Variants in STPG2 observed in about 807,000 individuals in gnomAD.
The protein encoded by STPG2 is sperm-tail PG-rich repeat-containing protein 2.
Under a neutral mutation model 54.2 loss-of-function variants are expected in STPG2, and 56 were observed. The ratio of observed to expected loss-of-function variants is 1.03; its 90% CI spans 0.83 to 1.29. STPG2 has a LOEUF of 1.29. Among genes scored for constraint, STPG2 ranks in the 50% most tolerant of loss-of-function variants. The pLI is 0.00. For missense variants in STPG2, 596 were observed against 544.9 expected (o/e 1.09, Z -0.93); for synonymous variants, 200 against 181.8 (o/e 1.10, Z -0.81).
chr4:97,490,940 G>A (rs1211847369), intron 4 of STPG2, among the ~76,000 whole-genome samples: 1 of 151,536 alleles, frequency 6.6e-6, no homozygotes, highest in Non-Finnish European at 1.5e-5. Flanking sequence ...AAGGAATTTA[G>A]TTAATATGAC....
intron 5 of STPG2, among the ~76,000 whole-genome samples, chr4:98,071,743 A>G (rs1016287339): frequency 6.6e-6 from 1 of 152,224 alleles, no homozygotes; most frequent in African/African-American, 2.4e-5. Flanking sequence ...AAAAGTGGGC[A>G]AAGGACCTAA....
At chr4:97,957,083 G>A (rs899008217) in intron 7 of STPG2, among the ~76,000 whole-genome samples, 2 of 136,212 alleles carry the variant, frequency 1.5e-5, no homozygotes, top group Non-Finnish European at 3.2e-5. Context: ...ATATATATAT[G>A]TGAAATATAC....
intron 4 of STPG2, among the ~76,000 whole-genome samples, chr4:97,537,097 G>C (rs1024742220): frequency 6.6e-6 from 1 of 152,160 alleles, no homozygotes; most frequent in African/African-American, 2.4e-5. Flanking sequence ...AATAGCTCCA[G>C]TCTACAGCTC....
At chr4:98,057,640 T>A (rs993965453) in intron 5 of STPG2, among the ~76,000 whole-genome samples, 1 of 152,102 alleles carries the variant, frequency 6.6e-6, no homozygotes, top group Non-Finnish European at 1.5e-5. Context: ...ACATAGGACA[T>A]CATCCATGAA....
intron 5 of STPG2, among the ~76,000 whole-genome samples, chr4:98,078,750 A>G (rs1738250343): frequency 1.3e-5 from 2 of 152,198 alleles, no homozygotes; most frequent in Admixed American, 1.3e-4. Context: ...AAAAGATATA[A>G]TTCAATGCTA....
chr4:97,750,990 C>T (rs1213244006), intron 9 of STPG2, among the ~76,000 whole-genome samples: 1 of 151,832 alleles, frequency 6.6e-6, no homozygotes, highest in Non-Finnish European at 1.5e-5. Context: ...AAACTGAATT[C>T]TCACAGAAAG....
intron 5 of STPG2, among the ~76,000 whole-genome samples, chr4:97,982,327 C>G (rs77388941): frequency 6.6e-6 from 1 of 151,626 alleles, no homozygotes; most frequent in Non-Finnish European, 1.5e-5. Flanking sequence ...TTTGCCAACT[C>G]TATCTCTGTT....
intron 9 of STPG2, among the ~76,000 whole-genome samples, chr4:97,732,040 T>A (rs1416649533): frequency 6.6e-6 from 1 of 152,126 alleles, no homozygotes; most frequent in African/African-American, 2.4e-5. Context: ...CAGGTAAGCA[T>A]GAAGATTAGA....
chr4:98,053,590 C>A (rs923020052), intron 5 of STPG2, among the ~76,000 whole-genome samples: 1 of 152,026 alleles, frequency 6.6e-6, no homozygotes, highest in Non-Finnish European at 1.5e-5. Context: ...TGACTTTAGG[C>A]TTTTATTTAG....
chr4:97,774,792 T>C (rs1367954807), intron 9 of STPG2, among the ~76,000 whole-genome samples: 2 of 152,164 alleles, frequency 1.3e-5, no homozygotes, highest in African/African-American at 4.8e-5. Context: ...CATCCTCCTT[T>C]CCCACAATAC....
chr4:97,863,143 T>G (rs1729622877), intron 8 of STPG2, among the ~76,000 whole-genome samples: 1 of 151,926 alleles, frequency 6.6e-6, no homozygotes, highest in South Asian at 2.1e-4. Flanking sequence ...CTTAAAAAAA[T>G]CAATGAATCC....
At chr4:98,139,153 T>A (rs1035826768) in intron 1 of STPG2, among the ~76,000 whole-genome samples, 4 of 152,154 alleles carry the variant, frequency 2.6e-5, no homozygotes, top group Admixed American at 2.6e-4. Context: ...GAAAAGCAGC[T>A]TAGTCCTGTC....
chr4:97,782,609 C>T (rs1352696758), intron 9 of STPG2, among the ~76,000 whole-genome samples: 1 of 152,166 alleles, frequency 6.6e-6, no homozygotes, highest in African/African-American at 2.4e-5. Flanking sequence ...GAAAAAAGCG[C>T]CTGCATTGCC....
rs376007322 is a variant in STPG2, at chr4:98,128,548, A to G, written c.267T>C (p.Pro89=). The change falls in exon 3 of 11, where the codon CCT becomes CCC. Residue 89 remains proline, a synonymous_variant. Coordinates refer to ENST00000295268, the MANE Select transcript of STPG2 (RefSeq NM_174952.3). The part of the protein sequence containing the change: ...SPTLTRSVDV[P]SIPSCGKSYG... ...ATGACTTTCCACAAGAAGGAATTGA[A>G]GGAACATCAACACTTCTGGTAAGTG... 64 of 1,611,530 alleles carry G rather than the reference A, an allele frequency of 4.0e-5. 1 individual carries two copies. The Middle Eastern group carries it at 2.6e-3, about 66-fold the overall frequency.
chr4:97,635,947 A>T (rs1219233330), intron 10 of STPG2, among the ~76,000 whole-genome samples: 1 of 147,686 alleles, frequency 6.8e-6, no homozygotes, highest in Admixed American at 6.7e-5. Flanking sequence ...CAGAAAGTCA[A>T]CAAGGACACC....
chr4:97,693,784 A>T (rs750120383), intron 10 of STPG2, among the ~76,000 whole-genome samples: 4 of 152,338 alleles, frequency 2.6e-5, no homozygotes, highest in Admixed American at 6.5e-5. Flanking sequence ...AGTTCCAAAA[A>T]AATTCAAGAA....
chr4:97,840,718 T>C (rs1728770791), intron 9 of STPG2, 55 bp downstream of exon 9: 2 of 1,546,174 alleles, frequency 1.3e-6, no homozygotes, highest in Non-Finnish European at 1.7e-6. Flanking sequence ...GATATTTTAA[T>C]ATGGAAACCT....
In STPG2 at chr4:97,649,998, T is replaced by C. The variant is rs1017945722; in HGVS notation, c.1320+62701A>G. Among the ~76,000 whole-genome samples the C allele has an allele frequency of 2.6e-5, 4 of 152,110 alleles. No individual in the cohort carries two copies. The South Asian group carries it at 8.3e-4, about 31-fold the overall frequency. Reference sequence around the variant, plus strand: ...ACTAGACAGTCCCATGTTGGAGTGATGGGAGACAGTGACAGATCATTAGGC... The same window carrying C: ...ACTAGACAGTCCCATGTTGGAGTGACGGGAGACAGTGACAGATCATTAGGC... On this transcript the variant is annotated intron_variant, in intron 10 of 10. Transcript: ENST00000295268.
chr4:97,648,997 G>A (rs535141837), intron 10 of STPG2, among the ~76,000 whole-genome samples: 1 of 152,162 alleles, frequency 6.6e-6, no homozygotes, highest in South Asian at 2.1e-4. Context: ...CTAATTGTCT[G>A]ATGATAATTC....
Sources: allele counts gnomAD v4.1 joint callset (sites outside exome capture counted in the v4.1 genomes callset), GRCh38; gene constraint gnomAD v4.1.1; transcripts MANE v1.5; gene names NCBI Gene and HGNC (gene_info 2026-07-23, HGNC 2026-07-21).